SCFD2: variants seen among roughly 807,000 people sequenced by gnomAD.
SCFD2 encodes sec1 family domain containing 2, also known as sec1 family domain-containing protein 2.
A neutral mutation model predicts 58.9 loss-of-function variants in SCFD2; 54 were observed. That is an observed-to-expected ratio of 0.92 (90% CI 0.74 to 1.15). The LOEUF (loss-of-function observed/expected upper bound fraction) is 1.15, where lower values mean the gene tolerates loss of function less well. Ranked by LOEUF, SCFD2 falls within the 50% of genes most tolerant of loss-of-function variation. The probability of loss-of-function intolerance (pLI) is 0.00; values close to 1 mark genes in which losing one functional copy is unlikely to be tolerated. For synonymous variants in SCFD2, 321 were observed against 335.9 expected (o/e 0.96, Z 0.49); for missense variants, 805 against 836.6 (o/e 0.96, Z 0.47).
At chr4:52,994,954 T>C (rs1007548028) in intron 5 of SCFD2, among the ~76,000 whole-genome samples, 1 of 152,140 alleles carries the variant, frequency 6.6e-6, no homozygotes, top group African/African-American at 2.4e-5. Flanking sequence ...ATAATGGCTA[T>C]GTAGGAAAGA....
chr4:52,965,488 T>C (rs1268184921), intron 5 of SCFD2, among the ~76,000 whole-genome samples: 1 of 152,220 alleles, frequency 6.6e-6, no homozygotes, highest in Non-Finnish European at 1.5e-5. Flanking sequence ...ACTTCCTTAT[T>C]CTTCTCATGT....
chr4:53,253,623 G>A (rs959193511), intron 4 of SCFD2, among the ~76,000 whole-genome samples: 33 of 151,254 alleles, frequency 2.2e-4, no homozygotes, highest in Non-Finnish European at 4.4e-4. Context: ...ATCATTCTCA[G>A]TAAACTATCG....
intron 4 of SCFD2, among the ~76,000 whole-genome samples, chr4:53,252,900 A>C (rs1730450286): frequency 6.6e-6 from 1 of 152,200 alleles, no homozygotes; most frequent in South Asian, 2.1e-4. Context: ...GATCTCATTA[A>C]ACTAAAGCGC....
intron 5 of SCFD2, among the ~76,000 whole-genome samples, chr4:53,053,456 C>A (rs560521880): frequency 6.6e-6 from 1 of 152,110 alleles, no homozygotes; most frequent in Non-Finnish European, 1.5e-5. Flanking sequence ...TCCCACTGGT[C>A]AACACCCTGC....
chr4:52,898,150 C>T (rs965830056), intron 7 of SCFD2, among the ~76,000 whole-genome samples: 3 of 152,128 alleles, frequency 2.0e-5, no homozygotes, highest in African/African-American at 2.4e-5. Flanking sequence ...GTCTCTATTT[C>T]CTTCAGTTCT....
At chr4:53,124,590 C>A (rs1317128864) in intron 5 of SCFD2, among the ~76,000 whole-genome samples, 3 of 152,100 alleles carry the variant, frequency 2.0e-5, no homozygotes, top group Non-Finnish European at 2.9e-5. Flanking sequence ...AGAAGAAAGT[C>A]CATGATAGTG....
At chr4:53,285,195 A>C (rs750723961) in intron 3 of SCFD2, among the ~76,000 whole-genome samples, 159 of 152,328 alleles carry the variant, frequency 1.0e-3, no homozygotes, top group Non-Finnish European at 1.9e-3. Context: ...AAACATTTAC[A>C]GTTTAGCTTT....
At chr4:53,188,070 C>T (rs1170492112) in intron 4 of SCFD2, among the ~76,000 whole-genome samples, 3 of 151,692 alleles carry the variant, frequency 2.0e-5, no homozygotes, top group African/African-American at 7.3e-5. Context: ...CAATCAAATA[C>T]AAAAAACAAC....
chr4:53,212,423 C>T (rs1407686651), intron 4 of SCFD2, among the ~76,000 whole-genome samples: 2 of 151,284 alleles, frequency 1.3e-5, no homozygotes, highest in African/African-American at 4.9e-5. Context: ...AAACCAATAA[C>T]ATAGTCCAGG....
At chr4:53,328,882 G>A (rs1398328671) in intron 2 of SCFD2, among the ~76,000 whole-genome samples, 8 of 152,250 alleles carry the variant, frequency 5.3e-5, no homozygotes, top group African/African-American at 1.9e-4. Flanking sequence ...AGGTCAGTGG[G>A]TGCGCGCACC....
intron 5 of SCFD2, among the ~76,000 whole-genome samples, chr4:53,067,684 G>A (rs1577700865): frequency 1.3e-5 from 2 of 151,980 alleles, no homozygotes; most frequent in Admixed American, 1.3e-4. Context: ...TTCCCCTTCT[G>A]CCATGATTGT....
intron 5 of SCFD2, among the ~76,000 whole-genome samples, chr4:53,048,642 G>C (rs1723104690): frequency 6.6e-6 from 1 of 152,210 alleles, no homozygotes; most frequent in Admixed American, 6.5e-5. Context: ...TAAGTAGGTT[G>C]AAGTGGACAG....
chr4:53,107,280 T>C (rs1030436262), intron 5 of SCFD2, among the ~76,000 whole-genome samples: 1 of 152,104 alleles, frequency 6.6e-6, no homozygotes, highest in Non-Finnish European at 1.5e-5. Context: ...ACATACCAAA[T>C]TGTAAACACC....
intron 5 of SCFD2, among the ~76,000 whole-genome samples, chr4:53,112,132 A>G (rs1344761569): frequency 1.3e-5 from 2 of 152,138 alleles, no homozygotes; most frequent in East Asian, 3.9e-4. Flanking sequence ...TTACAGAAGG[A>G]CTTTGTAGTC....
At chr4:53,279,911 G>A (rs1300890436) in intron 3 of SCFD2, among the ~76,000 whole-genome samples, 1 of 152,134 alleles carries the variant, frequency 6.6e-6, no homozygotes, top group East Asian at 1.9e-4. Flanking sequence ...CAGCATCAGG[G>A]AAACTGCCCC....
chr4:53,127,899 T>C (rs1389239715), intron 5 of SCFD2, among the ~76,000 whole-genome samples: 1 of 151,686 alleles, frequency 6.6e-6, no homozygotes, highest in African/African-American at 2.4e-5. Flanking sequence ...TTGGTAACCA[T>C]TTCTAGCTCC....
intron 6 of SCFD2, among the ~76,000 whole-genome samples, chr4:52,920,142 T>C (rs905869930): frequency 2.5e-4 from 38 of 152,086 alleles, no homozygotes; most frequent in African/African-American, 8.5e-4. Flanking sequence ...CTATGTACTT[T>C]CCCCCTCTGA....
intron 5 of SCFD2, among the ~76,000 whole-genome samples, chr4:53,069,921 G>A (rs918877200): frequency 7.2e-5 from 11 of 151,744 alleles, no homozygotes; most frequent in African/African-American, 1.9e-4. Flanking sequence ...TGTATCAATC[G>A]ATATTTTTAT....
At chr4:52,935,575 C>T (rs914366538) in intron 5 of SCFD2, among the ~76,000 whole-genome samples, 4 of 152,216 alleles carry the variant, frequency 2.6e-5, no homozygotes, top group African/African-American at 7.2e-5. Flanking sequence ...CCCTCCCCTA[C>T]GGTATGTAAA....
Sources: gnomAD v4.1 joint callset for allele counts (sites outside exome capture counted in the v4.1 genomes callset) on GRCh38, gnomAD v4.1.1 for gene constraint, MANE v1.5 for transcripts, NCBI Gene and HGNC (gene_info 2026-07-23, HGNC 2026-07-21) for gene names.